Variants in EBF2 observed in about 807,000 individuals in gnomAD.
The protein encoded by EBF2 is transcription factor COE2.
A neutral mutation model predicts 72.8 loss-of-function variants in EBF2; 21 were observed. The observed-to-expected ratio is 0.29, with a 90% CI of 0.20 to 0.42. The LOEUF (loss-of-function observed/expected upper bound fraction) is 0.42. Among genes scored for constraint, EBF2 ranks in the 10% least tolerant of loss-of-function variants. EBF2 has a pLI of 1.00. For missense variants in EBF2, 637 were observed against 731.2 expected, an observed-to-expected ratio of 0.87 and a Z score of 1.49; for synonymous variants, 299 against 274.2, an observed-to-expected ratio of 1.09 and a Z score of -0.89.
Position 25,844,550 on chromosome 8 carries a change from T to C in EBF2, c.*59A>G. On this transcript the variant is annotated 3_prime_UTR_variant, in exon 16 of 16. Coordinates refer to ENST00000520164, the MANE Select transcript of EBF2 (RefSeq NM_022659.4). The stretch of plus-strand genomic sequence containing the variant: ...CACCCCCAAAAGAGCTCCTAGTGCT[T>C]TCTTCATTATTGGTCCATCAGAGTA... 1.3e-6 allele frequency: 2 copies of C among 1,599,726 alleles called. No individual in the cohort carries two copies. Among genetic ancestry groups the C allele is most frequent in the Non-Finnish European group, 1.7e-6 (2 of 1,167,148 alleles).
At chr8:25,850,877 G>C in intron 14 of EBF2, 116 bp from the exon 15 acceptor site, 2 of 1,235,096 alleles carry the variant, frequency 1.6e-6, no homozygotes, top group Non-Finnish European at 2.2e-6. Flanking sequence ...AGATTGCAGG[G>C]ATTAAAAAAA....
intron 6 of EBF2, 75 bp downstream of exon 6, chr8:26,033,010 T>C (rs751877983): frequency 8.7e-5 from 120 of 1,378,560 alleles, no homozygotes; most frequent in Non-Finnish European, 1.2e-4. Flanking sequence ...CAAAGCTCCA[T>C]GGATCAGTAC....
rs556813312 is a variant in EBF2 at position 25,899,723 on chromosome 8, C to T, written c.633+8751G>A. ...TTGCTCTCACGTCGTTTAGTAAACC[C>T]GACTAATGGCTCGTGCCCAGCTGTG... On this transcript the variant is annotated intron_variant, in intron 7 of 15. Coordinates refer to ENST00000520164, the MANE Select transcript of EBF2 (RefSeq NM_022659.4). Among the ~76,000 whole-genome samples, 13 of 152,274 alleles carry T rather than the reference C, an allele frequency of 8.5e-5. No individual in the cohort carries two copies. In the East Asian group the frequency reaches 1.2e-3, roughly 14 times the overall value.
At chr8:25,949,535 C>A (rs1042302469) in intron 6 of EBF2, among the ~76,000 whole-genome samples, 1 of 152,108 alleles carries the variant, frequency 6.6e-6, no homozygotes, top group Non-Finnish European at 1.5e-5. Flanking sequence ...AAGTCGCCCA[C>A]CAAAAATCCC....
chr8:25,861,131 C>A lies in EBF2; in HGVS notation c.1260G>T (p.Ala420=), dbSNP rs531219296. Reference sequence around the variant, plus strand: ...AGTTGATTCCCATCATGCCACTGTGCGCTGGGGAGCTAGAGAGGGCTGGAA... The same window carrying A: ...AGTTGATTCCCATCATGCCACTGTGAGCTGGGGAGCTAGAGAGGGCTGGAA... The part of the protein sequence containing the change: ...SQLPALSSSP[A]HSGMMGINSY... Residue 420 remains alanine, a synonymous_variant, in exon 13 of 16, where the codon GCG becomes GCT. Coordinates refer to ENST00000520164, the MANE Select transcript of EBF2 (RefSeq NM_022659.4). 2.5e-6 allele frequency: 4 copies of A among 1,614,108 alleles called. No homozygotes were observed. In the South Asian group the frequency reaches 4.4e-5, roughly 18 times the overall value.
In EBF2 at chr8:26,039,160, C is replaced by A. The variant is rs75898452; in HGVS notation, c.482+868G>T. Among the ~76,000 whole-genome samples the A allele has an allele frequency of 2.4e-3, 365 of 151,894 alleles. 3 individuals carry two copies. The highest frequency in any genetic ancestry group is 8.5e-3 in the African/African-American group (353 of 41,360). ...CAGCACCCAACCGATACCGGGCACA[C>A]GTTAGGCACTCAATAAACATTTGTT... is the stretch of plus-strand genomic sequence containing the variant. On this transcript the variant is annotated intron_variant, in intron 5 of 15. Transcript: ENST00000520164.
chr8:25,899,231 C>G (rs1802908917), intron 7 of EBF2, among the ~76,000 whole-genome samples: 1 of 151,110 alleles, frequency 6.6e-6, no homozygotes, highest in Admixed American at 6.6e-5. Context: ...TCCTCCGACC[C>G]TCCACAGTTT....
At chr8:26,008,300 C>A (rs770990680) in intron 6 of EBF2, among the ~76,000 whole-genome samples, 2 of 152,106 alleles carry the variant, frequency 1.3e-5, no homozygotes, top group Non-Finnish European at 2.9e-5. Context: ...CCTGCAGTTC[C>A]CTTCACATTT....
At chr8:26,006,454 G>A (rs1804883136) in intron 6 of EBF2, among the ~76,000 whole-genome samples, 1 of 152,172 alleles carries the variant, frequency 6.6e-6, no homozygotes, top group South Asian at 2.1e-4. Flanking sequence ...TTACGAAATA[G>A]ATTGCTCAGG....
chr8:25,871,807 G>C (rs920169007), intron 10 of EBF2, among the ~76,000 whole-genome samples: 1 of 152,076 alleles, frequency 6.6e-6, no homozygotes, highest in African/African-American at 2.4e-5. Context: ...GATCTCATGT[G>C]CCATTTCTCA....
chr8:25,900,715 C>A (rs530568094), intron 7 of EBF2, among the ~76,000 whole-genome samples: 15 of 151,812 alleles, frequency 9.9e-5, no homozygotes, highest in Admixed American at 7.9e-4. Flanking sequence ...AGTAAGCTGT[C>A]GATTAGAGTG....
chr8:26,005,583 T>G (rs1804865071), intron 6 of EBF2, among the ~76,000 whole-genome samples: 2 of 54,026 alleles, frequency 3.7e-5, no homozygotes, highest in African/African-American at 8.2e-5. Flanking sequence ...GAGAGAGGTA[T>G]TTTGGGAACT....
chr8:25,956,023 G>C (rs997848897), intron 6 of EBF2, among the ~76,000 whole-genome samples: 1 of 152,050 alleles, frequency 6.6e-6, no homozygotes, highest in Non-Finnish European at 1.5e-5. Context: ...AAAGGAATTG[G>C]AGTATGAATG....
chr8:26,038,269 A>T (rs1805537429), intron 5 of EBF2, among the ~76,000 whole-genome samples: 1 of 152,228 alleles, frequency 6.6e-6, no homozygotes, highest in South Asian at 2.1e-4. Flanking sequence ...TAGTTTGGGA[A>T]GAAAACAGCA....
intron 6 of EBF2, among the ~76,000 whole-genome samples, chr8:25,930,933 G>A (rs2117145442): frequency 6.6e-6 from 1 of 152,218 alleles, no homozygotes; most frequent in Middle Eastern, 3.4e-3. Context: ...TGGACTGCCT[G>A]GTAAGATTTT....
At chr8:26,027,762 A>G (rs1403750768) in intron 6 of EBF2, among the ~76,000 whole-genome samples, 1 of 152,120 alleles carries the variant, frequency 6.6e-6, no homozygotes, top group Non-Finnish European at 1.5e-5. Flanking sequence ...CATCCATACA[A>G]CGGAATATCA....
chr8:25,890,784 AG>A (rs1407832993), intron 7 of EBF2, among the ~76,000 whole-genome samples: 13 of 152,368 alleles, frequency 8.5e-5, no homozygotes, highest in African/African-American at 2.4e-4. Context: ...TTTTCAGATT[AG>A]GGATGCTCAA....
chr8:25,977,234 G>C (rs1200635961), intron 6 of EBF2, among the ~76,000 whole-genome samples: 2 of 152,146 alleles, frequency 1.3e-5, no homozygotes, highest in African/African-American at 2.4e-5. Context: ...TTTCAGAGCT[G>C]TCCCCTTAAT....
At position 25,862,742 on chromosome 8, in the gene EBF2, A is replaced by C. The variant is rs1411110625; in HGVS notation, c.1065T>G (p.Pro355=). The change falls in exon 11 of 16, where the codon CCT becomes CCG. Residue 355 remains proline (P), a synonymous_variant. Coordinates refer to ENST00000520164, the MANE Select transcript of EBF2 (RefSeq NM_022659.4). ...YGFQRLQKVI[P]RHPGDPERLA... ...ATCTCTCAGGATCTCCAGGATGCCT[A>C]GGGATGACCTTCTGCAGTCTCTGGA... 2 of 1,604,574 alleles carry C rather than the reference A, an allele frequency of 1.2e-6. No individual in the cohort carries two copies. Among genetic ancestry groups the C allele is most frequent in the Non-Finnish European group, 1.7e-6 (2 of 1,174,718 alleles).
Sources: gnomAD v4.1 joint callset for allele counts (sites outside exome capture counted in the v4.1 genomes callset) on GRCh38, gnomAD v4.1.1 for gene constraint, MANE v1.5 for transcripts, NCBI Gene and HGNC (gene_info 2026-07-23, HGNC 2026-07-21) for gene names.